Variants in ADGRE2 observed in about 807,000 individuals in gnomAD.
ADGRE2 encodes the protein CD97 antigen.
ADGRE2 carries 83 observed loss-of-function variants against 100.8 expected under a neutral mutation model. The ratio of observed to expected loss-of-function variants is 0.82; its 90% CI spans 0.69 to 0.99. ADGRE2 has a LOEUF of 0.99. Among genes scored for constraint, ADGRE2 ranks in the 50% least tolerant of loss-of-function variants. The probability of loss-of-function intolerance (pLI) is 0.00; values close to 1 mark genes in which losing one functional copy is unlikely to be tolerated. For missense variants in ADGRE2, 814 were observed against 1,035.7 expected, an observed-to-expected ratio of 0.79 and a Z score of 2.94; for synonymous variants, 355 against 413.0, an observed-to-expected ratio of 0.86 and a Z score of 1.70.
At chr19:14,726,135 A>T in the ADGRE2 span, among the ~76,000 whole-genome samples, 1 of 152,246 alleles carries the variant, frequency 6.6e-6, no homozygotes, top group African/African-American at 2.4e-5. Context: ...ACCAAAGCTT[A>T]CAGCTTGCAA....
intron 11 of ADGRE2, among the ~76,000 whole-genome samples, chr19:14,764,130 A>T (rs1439388469): frequency 6.6e-6 from 1 of 151,836 alleles, no homozygotes; most frequent in African/African-American, 2.4e-5. Flanking sequence ...TGATGCAATC[A>T]TAGTTCACTG....
chr19:14,755,912 G>C (rs1486843397), intron 12 of ADGRE2, 35 bp from the exon 13 acceptor site: 2 of 1,575,254 alleles, frequency 1.3e-6, no homozygotes, highest in African/African-American at 2.7e-5. Context: ...TCTTGGAGTA[G>C]GTTGAATCTC....
the ADGRE2 span, among the ~76,000 whole-genome samples, chr19:14,724,530 C>T: frequency 6.6e-6 from 1 of 152,202 alleles, no homozygotes; most frequent in African/African-American, 2.4e-5. Flanking sequence ...CTTTGGGAGG[C>T]CGAGGCGGGT....
downstream of ADGRE2, among the ~76,000 whole-genome samples, chr19:14,730,195 C>T (rs753152325): frequency 2.6e-5 from 4 of 152,144 alleles, no homozygotes; most frequent in Non-Finnish European, 5.9e-5. Flanking sequence ...GCTGGGATTA[C>T]AGGTGCCCGT....
Position 14,749,964 on chromosome 19 carries a change from A to G in ADGRE2, c.2024+1472T>C, listed in dbSNP as rs34111676. 0.016 allele frequency among the ~76,000 whole-genome samples: 19 copies of G among 1,188 alleles called. No individual in the cohort carries two copies. In the East Asian group the frequency reaches 0.32, roughly 20 times the overall value. 0.8% of individuals were successfully genotyped at this position (1,188 alleles called of 152,430 possible). A position where few individuals can be genotyped will look rare whatever the true frequency, so the allele number is the denominator to read the frequency against. ...CATAGTTACATAATTATTTATAGCT[A>G]TGTTATGTAATTATTCATAGTTACA... On this transcript the variant is annotated intron_variant, in intron 16 of 20. Transcript: ENST00000315576.
At chr19:14,772,139 A>G in intron 5 of ADGRE2, 5 of 646,322 alleles carry the variant, frequency 7.7e-6, no homozygotes, top group Non-Finnish European at 5.3e-6. Flanking sequence ...GGGCCCAGGT[A>G]GCTGGTCCCA....
At chr19:14,756,060 G>T (rs1348334417) in intron 12 of ADGRE2, among the ~76,000 whole-genome samples, 178 bp downstream of exon 12, 1 of 152,170 alleles carries the variant, frequency 6.6e-6, no homozygotes, top group Non-Finnish European at 1.5e-5. Flanking sequence ...CAAGGCCACG[G>T]TTAATATCTC....
chr19:14,762,209 A>G (rs1488637932), intron 11 of ADGRE2, among the ~76,000 whole-genome samples: 3 of 152,110 alleles, frequency 2.0e-5, no homozygotes, highest in Non-Finnish European at 2.9e-5. Context: ...TTTTGTCAAC[A>G]GCCAAAAGGT....
At chr19:14,775,159 T>G (rs2044390218) in intron 2 of ADGRE2, among the ~76,000 whole-genome samples, 1 of 149,740 alleles carries the variant, frequency 6.7e-6, no homozygotes, top group Non-Finnish European at 1.5e-5. Flanking sequence ...TGACCCACCA[T>G]GCCCAGCTAA....
In ADGRE2 at chr19:14,743,497, T is replaced by C. The variant is rs878867683; in HGVS notation, c.2386A>G (p.Ile796Val). Residue 796 changes from isoleucine to valine, a missense_variant, in exon 20 of 21, where the codon ATC becomes GTC. Ile to Val is a conservative substitution (Grantham distance 29, BLOSUM62 3). This residue lies in a region of ADGRE2 where 569 missense variants were observed against 692.7 expected (regional missense o/e 0.82). Coordinates refer to ENST00000315576, the MANE Select transcript of ADGRE2 (RefSeq NM_013447.4). ...REQYGKWSKGIRKLKTESEMH... is the reference protein window; with the variant it reads ...REQYGKWSKGVRKLKTESEMH... ...TCAGACTCAGTTTTCAATTTCCTGA[T>C]CCCTTTGGACCATTTCCCATATTGC... 1.9e-6 allele frequency: 3 copies of C among 1,614,092 alleles called. No homozygotes were observed. The highest frequency in any genetic ancestry group is 2.5e-6 in the Non-Finnish European group (3 of 1,179,988).
At chr19:14,740,532 A>T (rs996711518) in intron 20 of ADGRE2, among the ~76,000 whole-genome samples, 3 of 151,448 alleles carry the variant, frequency 2.0e-5, no homozygotes, top group Non-Finnish European at 4.4e-5. Flanking sequence ...GAGGCAGGAG[A>T]ATCGCTTTAA....
Position 14,752,397 on chromosome 19 carries a change from G to A in ADGRE2, c.1720C>T (p.Gln574Ter), listed in dbSNP as rs1222875346. The change falls in exon 15 of 21, where the codon CAG (glutamine) becomes TAG (stop). Residue 574 changes from glutamine (Q) to a stop codon, truncating the protein, a stop_gained. Transcript: ENST00000315576. LOFTEE classifies it high-confidence loss of function. ...IQNTSTSLHL[Q>*]LSLCLFLAHL... is the part of the protein sequence containing the mutation. ...GCCAGGAAGAGGCAGAGCGAGAGCTGCAGATGCAGTGAGGTGCTGGTGTTC... is the reference window on the plus strand; with the variant it reads ...GCCAGGAAGAGGCAGAGCGAGAGCTACAGATGCAGTGAGGTGCTGGTGTTC... The A allele has an allele frequency of 1.2e-6, 2 of 1,614,190 alleles. No homozygotes were observed. The highest frequency in any genetic ancestry group is 3.3e-5 in the Admixed American group (2 of 60,008).
rs147337375 is a variant in ADGRE2 at position 14,752,348 on chromosome 19, A to C, written c.1769T>G (p.Ile590Ser). 1 of 1,614,050 alleles carries C rather than the reference A, an allele frequency of 6.2e-7. No individual in the cohort carries two copies. The highest frequency in any genetic ancestry group is 1.3e-5 in the African/African-American group (1 of 74,922). Residue 590 changes from isoleucine (I) to serine (S), a missense_variant, in exon 15 of 21, where the codon ATT (isoleucine) becomes AGT (serine). Coordinates refer to ENST00000315576, the MANE Select transcript of ADGRE2 (RefSeq NM_013447.4). ...CAATACCTTGTGTCCGGTTTGATCA[A>C]TTGCCACGAGGAAGAGGAGGTGGGC... is the stretch of plus-strand genomic sequence containing the variant. ...FLAHLLFLVA[I>S]DQTGHKVLCS...
chr19:14,753,373 A>C (rs1161489939), intron 14 of ADGRE2, among the ~76,000 whole-genome samples: 1 of 152,084 alleles, frequency 6.6e-6, no homozygotes, highest in Non-Finnish European at 1.5e-5. Flanking sequence ...GCTGGGCGGT[A>C]TGGCTTGCTG....
chr19:14,749,466 A>ATTATGTAATATAATTAT (rs369920135), intron 16 of ADGRE2, among the ~76,000 whole-genome samples: 19 of 99,812 alleles, frequency 1.9e-4, no homozygotes, highest in African/African-American at 6.2e-4. Flanking sequence ...ATGTAATATA[A>ATTATGTAATATAATTAT]TTAGTTATGT....
At chr19:14,724,226 A>G in the ADGRE2 span, among the ~76,000 whole-genome samples, 1 of 152,194 alleles carries the variant, frequency 6.6e-6, no homozygotes, top group Non-Finnish European at 1.5e-5. Context: ...GTTCAAAAAG[A>G]TCAGAATGAG....
chr19:14,767,571 T>A (rs2044039241), intron 5 of ADGRE2, among the ~76,000 whole-genome samples: 1 of 152,126 alleles, frequency 6.6e-6, no homozygotes, highest in Non-Finnish European at 1.5e-5. Context: ...CACAGAGGTG[T>A]CCCATGGTGA....
At position 14,767,835 on chromosome 19, in the gene ADGRE2, G is replaced by A. The variant is rs186632922; in HGVS notation, c.356-726C>T. Among the ~76,000 whole-genome samples the A allele has an allele frequency of 3.9e-5, 6 of 152,310 alleles. No homozygotes were observed. In the East Asian group the frequency reaches 1.2e-3, roughly 29 times the overall value. ...GAGCCTTCCTGTGAATTGGAAAAAG[G>A]CATCTCCTCTTCAAGTAGTCACAGT... is the stretch of plus-strand genomic sequence containing the variant. On this transcript the variant is annotated intron_variant, in intron 5 of 20. Transcript: ENST00000315576.
intron 20 of ADGRE2, 122 bp downstream of exon 20, chr19:14,743,298 T>A: frequency 1.3e-6 from 1 of 768,118 alleles, no homozygotes; most frequent in Non-Finnish European, 2.3e-6. Context: ...AGTCAAGGCG[T>A]ACTCAGATGC....
Sources: allele counts gnomAD v4.1 joint callset (sites outside exome capture counted in the v4.1 genomes callset), GRCh38; gene constraint gnomAD v4.1.1; regional missense constraint gnomAD v4.1.1; transcripts MANE v1.5; gene names NCBI Gene and HGNC (gene_info 2026-07-23, HGNC 2026-07-21).